ZNF148: variants seen among roughly 807,000 people sequenced by gnomAD.
ZNF148 encodes zinc finger protein 148, also known as Beta-Enolase Repressor Factor-1.
Under a neutral mutation model 67.7 loss-of-function variants are expected in ZNF148, and 7 were observed. That is an observed-to-expected ratio of 0.10 (90% CI 0.06 to 0.19). ZNF148 has a LOEUF of 0.19. Ranked by LOEUF, ZNF148 falls within the 10% of genes least tolerant of loss-of-function variation. ZNF148 has a pLI of 1.00. For synonymous variants in ZNF148, 333 were observed against 330.7 expected, an observed-to-expected ratio of 1.01 and a Z score of -0.08; for missense variants, 583 against 947.1, an observed-to-expected ratio of 0.62 and a Z score of 5.05.
chr3:125,298,322 C>T (rs1461904406), intron 4 of ZNF148, among the ~76,000 whole-genome samples: 2 of 123,744 alleles, frequency 1.6e-5, no homozygotes, highest in African/African-American at 6.5e-5. Flanking sequence ...AGACATATAC[C>T]TAGAGCAATG....
chr3:125,263,224 G>C (rs1462206408), intron 7 of ZNF148, among the ~76,000 whole-genome samples: 1 of 152,186 alleles, frequency 6.6e-6, no homozygotes, highest in Non-Finnish European at 1.5e-5. Flanking sequence ...TTGACTTCTT[G>C]AGTAAATAAC....
intron 1 of ZNF148, among the ~76,000 whole-genome samples, chr3:125,333,673 G>A (rs577883615): frequency 6.6e-6 from 1 of 152,324 alleles, no homozygotes; most frequent in South Asian, 2.1e-4. Context: ...TCAGCAGTCA[G>A]TGAATATTCC....
At chr3:125,265,989 T>C (rs921516929) in intron 7 of ZNF148, among the ~76,000 whole-genome samples, 1 of 152,132 alleles carries the variant, frequency 6.6e-6, no homozygotes, top group African/African-American at 2.4e-5. Flanking sequence ...CATTTTATAA[T>C]GATAAAGGGT....
intron 7 of ZNF148, among the ~76,000 whole-genome samples, chr3:125,254,397 T>G (rs1014881802): frequency 1.3e-5 from 2 of 152,222 alleles, no homozygotes; most frequent in African/African-American, 4.8e-5. Context: ...GTCATGGTTG[T>G]GTTATTCAGA....
intron 1 of ZNF148, among the ~76,000 whole-genome samples, chr3:125,366,319 C>T (rs530440189): frequency 6.6e-6 from 1 of 152,278 alleles, no homozygotes; most frequent in South Asian, 2.1e-4. Flanking sequence ...TGTTTGCTTA[C>T]CAAGCACAAC....
intron 7 of ZNF148, among the ~76,000 whole-genome samples, chr3:125,250,045 A>T (rs1936772642): frequency 6.6e-6 from 1 of 152,202 alleles, no homozygotes; most frequent in African/African-American, 2.4e-5. Flanking sequence ...GATTTTGGTC[A>T]AAGGTTACAA....
intron 3 of ZNF148, among the ~76,000 whole-genome samples, chr3:125,318,360 C>A (rs1177146874): frequency 2.0e-5 from 3 of 152,148 alleles, no homozygotes; most frequent in Non-Finnish European, 2.9e-5. Flanking sequence ...CCTGTTAACT[C>A]CTCAAAAAGC....
intron 2 of ZNF148, among the ~76,000 whole-genome samples, chr3:125,330,391 C>T (rs1241188285): frequency 6.9e-6 from 1 of 145,454 alleles, no homozygotes; most frequent in African/African-American, 2.7e-5. Flanking sequence ...ACTTGAGCCC[C>T]GCAGGTAGAG....
At chr3:125,337,540 TA>T (rs1941548893) in intron 1 of ZNF148, among the ~76,000 whole-genome samples, 1 of 152,200 alleles carries the variant, frequency 6.6e-6, no homozygotes, top group African/African-American at 2.4e-5. Context: ...ATTTTGTAAA[TA>T]ATCATGATAC....
intron 4 of ZNF148, 78 bp from the exon 5 acceptor site, chr3:125,288,306 C>A: frequency 6.9e-7 from 1 of 1,450,800 alleles, no homozygotes; most frequent in Non-Finnish European, 9.2e-7. Context: ...ATGTTTAATC[C>A]TTTGCTAAAC....
At chr3:125,302,852 G>T (rs1939668500) in intron 4 of ZNF148, among the ~76,000 whole-genome samples, 1 of 152,240 alleles carries the variant, frequency 6.6e-6, no homozygotes, top group Non-Finnish European at 1.5e-5. Context: ...GGTGATAGGG[G>T]TATGGTAGGG....
intron 5 of ZNF148, among the ~76,000 whole-genome samples, chr3:125,286,540 C>A (rs1050595249): frequency 2.0e-5 from 3 of 151,944 alleles, no homozygotes; most frequent in African/African-American, 7.3e-5. Flanking sequence ...CAATAGTGCA[C>A]AAAGATACAT....
intron 1 of ZNF148, among the ~76,000 whole-genome samples, chr3:125,367,233 A>G (rs574845844): frequency 6.6e-6 from 1 of 152,282 alleles, no homozygotes; most frequent in South Asian, 2.1e-4. Flanking sequence ...TAGCCTTACC[A>G]TCTTCCTCCT....
chr3:125,300,962 T>TC (rs985271742), intron 4 of ZNF148, among the ~76,000 whole-genome samples: 8 of 151,996 alleles, frequency 5.3e-5, no homozygotes, highest in East Asian at 1.9e-4. Flanking sequence ...CCAAATAGTT[T>TC]TTTTAATTGC....
At chr3:125,271,183 C>A (rs6772299) in intron 7 of ZNF148, among the ~76,000 whole-genome samples, 118,174 of 152,172 alleles carry the variant, frequency 0.78, 46,498 homozygotes, top group African/African-American at 0.87. Flanking sequence ...ATGCTTTACA[C>A]GATAAATCTG....
intron 2 of ZNF148, among the ~76,000 whole-genome samples, chr3:125,328,706 A>T (rs1404307255): frequency 6.6e-6 from 1 of 152,080 alleles, no homozygotes; most frequent in Non-Finnish European, 1.5e-5. Flanking sequence ...AGAGCTCCAT[A>T]AAAGGGCAAA....
intron 7 of ZNF148, among the ~76,000 whole-genome samples, chr3:125,275,804 T>A (rs1371227868): frequency 1.3e-5 from 2 of 152,190 alleles, no homozygotes; most frequent in Non-Finnish European, 2.9e-5. Flanking sequence ...AATATCACAG[T>A]GCAATGAAGG....
chr3:125,298,618 A>ATTTT (rs11312460), intron 4 of ZNF148, among the ~76,000 whole-genome samples: 16 of 102,648 alleles, frequency 1.6e-4, no homozygotes, highest in Non-Finnish European at 2.5e-4. Flanking sequence ...TTTATATTAA[A>ATTTT]TTTTTTTTTT....
chr3:125,249,010 A>G (rs1404996617), intron 7 of ZNF148, among the ~76,000 whole-genome samples: 2 of 152,172 alleles, frequency 1.3e-5, no homozygotes, highest in East Asian at 3.8e-4. Context: ...ATTCTTGTAC[A>G]CCATACACGA....
Sources: gnomAD v4.1 joint callset for allele counts (sites outside exome capture counted in the v4.1 genomes callset) on GRCh38, gnomAD v4.1.1 for gene constraint, MANE v1.5 for transcripts, NCBI Gene and HGNC (gene_info 2026-07-23, HGNC 2026-07-21) for gene names.